Variants in ANO4 observed in about 807,000 individuals in gnomAD.
ANO4 encodes the protein anoctamin 4.
Under a neutral mutation model 141.9 loss-of-function variants are expected in ANO4, and 69 were observed. The observed-to-expected ratio is 0.49, with a 90% CI of 0.40 to 0.59. The LOEUF is 0.59. Among genes scored for constraint, ANO4 ranks in the 20% least tolerant of loss-of-function variants. The probability of loss-of-function intolerance (pLI) is 0.00; values close to 1 mark genes in which losing one functional copy is unlikely to be tolerated. For missense variants in ANO4, 894 were observed against 1,162.2 expected (o/e 0.77, Z 3.36); for synonymous variants, 350 against 394.3 (o/e 0.89, Z 1.33).
chr12:100,930,958 GA>G (rs750493807), intron 3 of ANO4, among the ~76,000 whole-genome samples: 5 of 152,134 alleles, frequency 3.3e-5, no homozygotes, highest in Admixed American at 6.6e-5. Flanking sequence ...GGGTTCCAGA[GA>G]ACAGAGATTG....
At chr12:101,097,590 A>G in intron 19 of ANO4, 61 bp from the exon 20 acceptor site, 1 of 1,480,232 alleles carries the variant, frequency 6.8e-7, no homozygotes, top group Non-Finnish European at 9.4e-7. Flanking sequence ...AACTAAATGT[A>G]ATATTCGCTG....
chr12:100,826,362 A>C (rs2036341252), intron 1 of ANO4, among the ~76,000 whole-genome samples: 1 of 152,104 alleles, frequency 6.6e-6, no homozygotes, highest in African/African-American at 2.4e-5. Context: ...GATGTGATAT[A>C]ATAGTGATTT....
chr12:100,966,344 CA>C (rs2043653232), intron 5 of ANO4, among the ~76,000 whole-genome samples: 1 of 151,996 alleles, frequency 6.6e-6, no homozygotes, highest in African/African-American at 2.4e-5. Flanking sequence ...TACATTTGAA[CA>C]AACTGAGGCA....
intron 3 of ANO4, among the ~76,000 whole-genome samples, chr12:100,745,705 C>G (rs1474702710): frequency 6.6e-6 from 1 of 152,102 alleles, no homozygotes; most frequent in Non-Finnish European, 1.5e-5. Context: ...GAAATTCTGT[C>G]CTGCTTTAAG....
intron 14 of ANO4, among the ~76,000 whole-genome samples, chr12:101,063,780 C>CTTTTTTTTT (rs2048457804): frequency 1.4e-4 from 3 of 22,076 alleles, no homozygotes; most frequent in African/African-American, 5.1e-4. Flanking sequence ...TTTTTTTTTG[C>CTTTTTTTTT]CTTTGAAAGA....
chr12:100,743,959 C>T (rs565841829), intron 3 of ANO4, among the ~76,000 whole-genome samples: 18 of 152,230 alleles, frequency 1.2e-4, no homozygotes, highest in African/African-American at 3.4e-4. Flanking sequence ...TTGTAACTTC[C>T]ATCACCACTA....
At chr12:100,972,664 A>C (rs1405123602) in intron 6 of ANO4, among the ~76,000 whole-genome samples, 1 of 152,196 alleles carries the variant, frequency 6.6e-6, no homozygotes, top group African/African-American at 2.4e-5. Context: ...AGTTAAAGCC[A>C]AATATGTATC....
chr12:100,976,594 A>C (rs1300002579), intron 7 of ANO4, among the ~76,000 whole-genome samples: 1 of 152,216 alleles, frequency 6.6e-6, no homozygotes, highest in Non-Finnish European at 1.5e-5. Context: ...TGTCTTGTTC[A>C]GTAGATCTGC....
At chr12:100,896,431 T>G (rs2040359430) in intron 1 of ANO4, among the ~76,000 whole-genome samples, 1 of 151,650 alleles carries the variant, frequency 6.6e-6, no homozygotes, top group Non-Finnish European at 1.5e-5. Context: ...AGGCAAGGAA[T>G]GGATTCTCCC....
Position 101,116,670 on chromosome 12 carries a change from C to T in ANO4, c.2451-9C>T, listed in dbSNP as rs2137038700. The T allele has an allele frequency of 6.2e-7, 1 of 1,614,040 alleles. No homozygotes were observed. The highest frequency in any genetic ancestry group is 1.1e-5 in the South Asian group (1 of 91,076). On this transcript the variant is annotated splice_polypyrimidine_tract_variant and intron_variant, in intron 24 of 27. Coordinates refer to ENST00000392977, the MANE Select transcript of ANO4 (RefSeq NM_001286615.2). ...GTGTTCTAATGGTAGAATGTGCCTC[C>T]TCTTATAGGTGCATGGTTGGCTATG... is the stretch of plus-strand genomic sequence containing the variant.
chr12:101,063,747 T>A (rs976945550), intron 14 of ANO4, among the ~76,000 whole-genome samples: 1 of 71,420 alleles, frequency 1.4e-5, no homozygotes, highest in Non-Finnish European at 2.7e-5. Flanking sequence ...CAGGTTATCT[T>A]TTTTTTTTTT....
At chr12:100,875,082 A>T (rs2039231284) in intron 1 of ANO4, among the ~76,000 whole-genome samples, 1 of 152,108 alleles carries the variant, frequency 6.6e-6, no homozygotes, top group African/African-American at 2.4e-5. Flanking sequence ...AGAAGGGATG[A>T]TTGTATTTTG....
intron 3 of ANO4, among the ~76,000 whole-genome samples, chr12:100,780,568 G>T (rs770431375): frequency 6.6e-6 from 1 of 152,210 alleles, no homozygotes; most frequent in African/African-American, 2.4e-5. Context: ...TCATGGCACT[G>T]GTGGGAATGT....
chr12:100,781,859 C>T (rs914624064), intron 3 of ANO4, among the ~76,000 whole-genome samples: 3 of 152,216 alleles, frequency 2.0e-5, no homozygotes, highest in Non-Finnish European at 4.4e-5. Flanking sequence ...ATCAGAGCTT[C>T]TTATCAGCAT....
At chr12:100,833,100 G>A (rs1378621426) in intron 1 of ANO4, among the ~76,000 whole-genome samples, 1 of 152,046 alleles carries the variant, frequency 6.6e-6, no homozygotes, top group Non-Finnish European at 1.5e-5. Flanking sequence ...CATATGGAAG[G>A]GACTGGGGGA....
chr12:100,724,593 A>G (rs918038612), intron 1 of ANO4, among the ~76,000 whole-genome samples: 2 of 152,230 alleles, frequency 1.3e-5, no homozygotes, highest in African/African-American at 2.4e-5. Flanking sequence ...CTGTTTGCAT[A>G]GGAAAAGCTC....
At chr12:101,099,552 T>C (rs779724242) in intron 21 of ANO4, 26 bp from the exon 22 acceptor site, 1 of 1,572,960 alleles carries the variant, frequency 6.4e-7, no homozygotes. Flanking sequence ...TTACATTTTT[T>C]GTAAGAAATT....
At chr12:100,789,753 A>G (rs974943113) in intron 3 of ANO4, among the ~76,000 whole-genome samples, 2 of 152,172 alleles carry the variant, frequency 1.3e-5, no homozygotes, top group Non-Finnish European at 2.9e-5. Context: ...TTCCTGGAAA[A>G]CAAGTTTGTC....
intron 3 of ANO4, among the ~76,000 whole-genome samples, chr12:100,744,801 T>C (rs920625455): frequency 2.6e-5 from 4 of 152,186 alleles, no homozygotes; most frequent in Admixed American, 1.3e-4. Context: ...AAGCTCTCAC[T>C]ATCTCTCCTT....
Sources: gnomAD v4.1 joint callset for allele counts (sites outside exome capture counted in the v4.1 genomes callset) on GRCh38, gnomAD v4.1.1 for gene constraint, MANE v1.5 for transcripts, NCBI Gene and HGNC (gene_info 2026-07-23, HGNC 2026-07-21) for gene names.